PCAT7: variants seen among roughly 807,000 people sequenced by gnomAD.
The protein encoded by PCAT7 is prostate cancer associated transcript 7.
chr9:94,561,352 A>ATTTTTTTTTTTTTTTT (rs1174386595), intron 2 of PCAT7, among the ~76,000 whole-genome samples: 4 of 54,990 alleles, frequency 7.3e-5, no homozygotes, highest in Admixed American at 3.1e-4. Flanking sequence ...TGTGACCTGT[A>ATTTTTTTTTTTTTTTT]TTTTTTTTTT....
At chr9:94,562,258 C>T (rs1440875972) in intron 2 of PCAT7, among the ~76,000 whole-genome samples, 1 of 147,996 alleles carries the variant, frequency 6.8e-6, no homozygotes, top group Non-Finnish European at 1.5e-5. Context: ...TGCAGTGAGC[C>T]TAGATGGTGC....
chr9:94,568,628 G>A (rs1827227933), intron 2 of PCAT7: 1 of 152,190 alleles, frequency 6.6e-6, no homozygotes, highest in African/African-American at 2.4e-5. Context: ...AATATAAAGA[G>A]GCAAGGCCAC....
chr9:94,570,876 C>G (rs981633111), intron 2 of PCAT7: 3 of 152,232 alleles, frequency 2.0e-5, no homozygotes, highest in African/African-American at 7.2e-5. Context: ...TCTCCGCTGT[C>G]TGGAGTGGTG....
chr9:94,572,284 T>C (rs750499286), intron 2 of PCAT7, among the ~76,000 whole-genome samples: 2 of 152,210 alleles, frequency 1.3e-5, no homozygotes, highest in Non-Finnish European at 2.9e-5. Flanking sequence ...TGGGGACTCT[T>C]AGCTGCTACA....
intron 2 of PCAT7, chr9:94,563,396 C>G (rs1000265667): frequency 2.5e-6 from 4 of 1,613,950 alleles, no homozygotes; most frequent in Non-Finnish European, 3.4e-6. Context: ...CTCCATAGAC[C>G]AGGGTGCGGT....
At chr9:94,555,175 C>T (rs2131433207) in exon 1 of PCAT7, 2 of 152,118 alleles carry the variant, frequency 1.3e-5, no homozygotes, top group South Asian at 2.1e-4. Flanking sequence ...TTCTATTGAG[C>T]TGCTCAGTGC....
At chr9:94,555,530 T>C (rs1826995293) in intron 1 of PCAT7, among the ~76,000 whole-genome samples, 1 of 137,696 alleles carries the variant, frequency 7.3e-6, no homozygotes, top group African/African-American at 2.8e-5. Context: ...AGAAAGTTTA[T>C]GGGTGGATGA....
chr9:94,556,413 A>G (rs530948685), intron 1 of PCAT7, among the ~76,000 whole-genome samples: 64 of 152,112 alleles, frequency 4.2e-4, no homozygotes, highest in African/African-American at 1.3e-3. Context: ...GAAAACGGTG[A>G]AAAAGTTTGG....
chr9:94,569,878 G>A (rs1256532984), intron 2 of PCAT7: 1 of 152,232 alleles, frequency 6.6e-6, no homozygotes, highest in Non-Finnish European at 1.5e-5. Context: ...TGACCCACCA[G>A]GGAATGCTGC....
intron 3 of PCAT7, among the ~76,000 whole-genome samples, chr9:94,573,420 C>G (rs376102242): frequency 6.6e-6 from 1 of 152,204 alleles, no homozygotes. Flanking sequence ...TACCACCCCC[C>G]TCTCCAGCTA....
intron 3 of PCAT7, among the ~76,000 whole-genome samples, chr9:94,573,446 T>C (rs1827288554): frequency 6.6e-6 from 1 of 152,134 alleles, no homozygotes; most frequent in Admixed American, 6.5e-5. Context: ...TTTTTTGAGA[T>C]GGGGGTCTTG....
intron 2 of PCAT7, chr9:94,571,352 C>G (rs1249201247): frequency 8.5e-7 from 1 of 1,180,018 alleles, no homozygotes; most frequent in Non-Finnish European, 1.1e-6. Flanking sequence ...GACCCCTGGT[C>G]CCCAAAACAA....
chr9:94,571,328 A>G (rs893084990), intron 2 of PCAT7: 21 of 943,202 alleles, frequency 2.2e-5, no homozygotes, highest in Admixed American at 1.0e-4. Flanking sequence ...TGGCTCCCCA[A>G]ACTAGGCTCT....
At chr9:94,573,646 T>G (rs1343122316) in intron 3 of PCAT7, among the ~76,000 whole-genome samples, 3 of 152,234 alleles carry the variant, frequency 2.0e-5, no homozygotes, top group African/African-American at 7.2e-5. Flanking sequence ...TTATGAATAC[T>G]GGATCAGTCT....
At chr9:94,569,805 A>G (rs1302821467) in intron 2 of PCAT7, 4 of 152,184 alleles carry the variant, frequency 2.6e-5, no homozygotes, top group Non-Finnish European at 4.4e-5. Flanking sequence ...CCTGAACAAT[A>G]TGTGTGTTCT....
chr9:94,564,535 T>G (rs1314392289), intron 2 of PCAT7, among the ~76,000 whole-genome samples: 1 of 152,174 alleles, frequency 6.6e-6, no homozygotes, highest in Admixed American at 6.5e-5. Flanking sequence ...GAAGGCCTAA[T>G]TATCTTAAGT....
intron 2 of PCAT7, among the ~76,000 whole-genome samples, chr9:94,561,420 TG>T (rs1193281122): frequency 1.5e-5 from 2 of 131,478 alleles, no homozygotes; most frequent in Non-Finnish European, 3.1e-5. Context: ...TGGAGTGCAG[TG>T]GCGCGATCTC....
chr9:94,563,945 C>A (rs965872317), intron 2 of PCAT7, among the ~76,000 whole-genome samples: 2 of 152,154 alleles, frequency 1.3e-5, no homozygotes, highest in Admixed American at 1.3e-4. Flanking sequence ...CTTAACTATC[C>A]TAAATAATAT....
chr9:94,559,119 T>A lies in PCAT7; in HGVS notation n.408T>A, dbSNP rs148327617. 3 of 1,611,840 alleles carry A rather than the reference T, an allele frequency of 1.9e-6. No homozygotes were observed. In the East Asian group the frequency reaches 6.7e-5, roughly 36 times the overall value. On this transcript the variant is annotated non_coding_transcript_exon_variant, in exon 2 of 9. Coordinates refer to ENST00000647389, the Ensembl canonical transcript of PCAT7. ...GATGTAGGCCACGGGATTGCATTCATACAGGAGCCGGAGCTGTGGAGGAAC... is the reference window on the plus strand; with the variant it reads ...GATGTAGGCCACGGGATTGCATTCAAACAGGAGCCGGAGCTGTGGAGGAAC...
Sources: allele counts gnomAD v4.1 joint callset (sites outside exome capture counted in the v4.1 genomes callset), GRCh38; gene constraint gnomAD v4.1.1; transcripts MANE v1.5; gene names NCBI Gene and HGNC (gene_info 2026-07-23, HGNC 2026-07-21).